AIMP1: variants seen among roughly 807,000 people sequenced by gnomAD.
AIMP1 encodes the protein aminoacyl tRNA synthetase complex interacting multifunctional protein 1, also known as aminoacyl tRNA synthase complex-interacting multifunctional protein 1.
A neutral mutation model predicts 33.1 loss-of-function variants in AIMP1; 24 were observed. The ratio of observed to expected loss-of-function variants is 0.73; its 90% confidence interval spans 0.53 to 1.02. The LOEUF is 1.02. Ranked by LOEUF, AIMP1 falls within the 50% of genes least tolerant of loss-of-function variation. The pLI is 0.00. For synonymous variants in AIMP1, 120 were observed against 121.5 expected (o/e 0.99, Z 0.08); for missense variants, 367 against 364.8 (o/e 1.01, Z -0.05).
Position 106,347,558 on chromosome 4 carries a change from A to G in AIMP1, c.805A>G (p.Lys269Glu). 1 of 1,613,216 alleles carries G rather than the reference A, an allele frequency of 6.2e-7. No homozygotes were observed. The highest frequency in any genetic ancestry group is 1.1e-5 in the South Asian group (1 of 91,054). The change falls in exon 7 of 7, where the codon AAG becomes GAG. Residue 269 changes from lysine (K) to glutamate (E), a missense_variant. Transcript: ENST00000672341. ...TGACAAGGAGCTGAATCCTAAGAAG[A>G]AGATTTGGGAGCAGATCCAGCCTGA... ...EPDKELNPKK[K>E]IWEQIQPDLH...
Position 106,348,718 on chromosome 4 carries a change from T to C in AIMP1, c.*1026T>C, listed in dbSNP as rs1770390951. Reference sequence around the variant, plus strand: ...TACTGATGATTTGGGCTTACACACATGTCAGCAAGATAGGGAGTGTGGATA... The same window carrying C: ...TACTGATGATTTGGGCTTACACACACGTCAGCAAGATAGGGAGTGTGGATA... On this transcript the variant is annotated 3_prime_UTR_variant, in exon 7 of 7. Coordinates refer to ENST00000672341, the MANE Select transcript of AIMP1 (RefSeq NM_001142416.2). The C allele has an allele frequency of 6.6e-6, 1 of 152,072 alleles. No homozygotes were observed. The allele number at this position is 152,072 out of a possible 1,614,324, so 9.4% of individuals were successfully genotyped here. A position where few individuals can be genotyped will look rare whatever the true frequency, so the allele number is the denominator to read the frequency against.
chr4:106,325,007 A>G lies in AIMP1; in HGVS notation c.-3A>G, dbSNP rs1159398890. 1.2e-6 allele frequency: 2 copies of G among 1,601,018 alleles called. No individual in the cohort carries two copies. The highest frequency in any genetic ancestry group is 1.7e-6 in the Non-Finnish European group (2 of 1,174,450). ...TAGGATTTTCTGCCGTCTCTTGGCAAAAATGGCAAATAATGATGCTGTTCT... is the reference window on the plus strand; with the variant it reads ...TAGGATTTTCTGCCGTCTCTTGGCAGAAATGGCAAATAATGATGCTGTTCT... On this transcript the variant is annotated 5_prime_UTR_variant, in exon 2 of 7. Coordinates refer to ENST00000672341, the MANE Select transcript of AIMP1 (RefSeq NM_001142416.2).
At chr4:106,327,360 G>A (rs1435286571) in intron 2 of AIMP1, 91 bp from the exon 3 acceptor site, 2 of 908,898 alleles carry the variant, frequency 2.2e-6, no homozygotes, top group Non-Finnish European at 3.6e-6. Context: ...TATTATCCTA[G>A]CTGTAGTTAT....
At chr4:106,346,410 T>G (rs889533127) in intron 6 of AIMP1, among the ~76,000 whole-genome samples, 4 of 152,172 alleles carry the variant, frequency 2.6e-5, no homozygotes, top group African/African-American at 4.8e-5. Flanking sequence ...AACAGGGGCT[T>G]TGTTGATCAT....
upstream of AIMP1, chr4:106,316,342 G>T: frequency 1.7e-6 from 1 of 579,708 alleles, no homozygotes; most frequent in South Asian, 2.1e-5. Context: ...GAGAGAGAAA[G>T]AGGTGCGGGG....
chr4:106,322,215 C>T (rs549463642), intron 1 of AIMP1, among the ~76,000 whole-genome samples: 1 of 152,142 alleles, frequency 6.6e-6, no homozygotes, highest in East Asian at 1.9e-4. Flanking sequence ...TGCTGACCTT[C>T]CCTCCACTAT....
At chr4:106,345,610 T>C (rs1770266715) in intron 6 of AIMP1, among the ~76,000 whole-genome samples, 1 of 152,016 alleles carries the variant, frequency 6.6e-6, no homozygotes. Flanking sequence ...ACTTTCAGTC[T>C]TAGTTTCATT....
chr4:106,336,710 C>T (rs781389702), intron 5 of AIMP1, among the ~76,000 whole-genome samples, 159 bp from the exon 6 acceptor site: 6 of 151,958 alleles, frequency 3.9e-5, no homozygotes, highest in African/African-American at 1.2e-4. Context: ...TGCAAAGCTT[C>T]GTAACAACAA....
intron 1 of AIMP1, among the ~76,000 whole-genome samples, chr4:106,322,011 C>G (rs367866928): frequency 9.4e-5 from 14 of 148,348 alleles, no homozygotes; most frequent in Non-Finnish European, 1.4e-4. Flanking sequence ...CTCTCTGAAA[C>G]GTGCTGTGTC....
chr4:106,331,666 T>C lies in AIMP1; in HGVS notation c.392-6T>C, dbSNP rs2125924013. 1.2e-6 allele frequency: 2 copies of C among 1,613,606 alleles called. No homozygotes were observed. Among genetic ancestry groups the C allele is most frequent in the South Asian group, 2.2e-5 (2 of 91,080 alleles). On this transcript the variant is annotated splice_polypyrimidine_tract_variant and splice_region_variant and intron_variant, in intron 4 of 6. Coordinates refer to ENST00000672341, the MANE Select transcript of AIMP1 (RefSeq NM_001142416.2). ...TGATGTTTACCCATTCATAAATACTTTTTAGGAGAGAAGAAGGAGAAAAAA... is the reference window on the plus strand; with the variant it reads ...TGATGTTTACCCATTCATAAATACTCTTTAGGAGAGAAGAAGGAGAAAAAA...
At chr4:106,323,584 G>C (rs1229312340) in intron 1 of AIMP1, among the ~76,000 whole-genome samples, 1 of 149,314 alleles carries the variant, frequency 6.7e-6, no homozygotes, top group African/African-American at 2.5e-5. Context: ...AATAGAAATG[G>C]ATATATGAAG....
chr4:106,317,221 CTT>C (rs1402199754), intron 1 of AIMP1, among the ~76,000 whole-genome samples: 1 of 152,164 alleles, frequency 6.6e-6, no homozygotes, highest in Non-Finnish European at 1.5e-5. Context: ...ACGCGAATAT[CTT>C]GGGAAAGTGC....
intron 2 of AIMP1, among the ~76,000 whole-genome samples, chr4:106,326,697 A>AT (rs1183348491): frequency 6.6e-6 from 1 of 152,028 alleles, no homozygotes; most frequent in Non-Finnish European, 1.5e-5. Flanking sequence ...ACATCTCAGA[A>AT]TTTTTTTAAA....
intron 6 of AIMP1, among the ~76,000 whole-genome samples, chr4:106,340,989 G>A (rs1400903539): frequency 2.6e-5 from 4 of 152,000 alleles, no homozygotes; most frequent in African/African-American, 9.7e-5. Flanking sequence ...ATCTCATTGT[G>A]GTTTTGATTT....
chr4:106,338,736 GGGCCA>G (rs1273123685), intron 6 of AIMP1, among the ~76,000 whole-genome samples: 1 of 152,182 alleles, frequency 6.6e-6, no homozygotes, highest in African/African-American at 2.4e-5. Flanking sequence ...TGTGAGAAGA[GGGCCA>G]CTGTCCTCCA....
At chr4:106,344,518 A>G (rs996844945) in intron 6 of AIMP1, among the ~76,000 whole-genome samples, 3 of 152,162 alleles carry the variant, frequency 2.0e-5, no homozygotes, top group Non-Finnish European at 4.4e-5. Flanking sequence ...CCCTAATCCC[A>G]AAGCCAACAT....
chr4:106,331,713 G>A lies in AIMP1; in HGVS notation c.433G>A (p.Ala145Thr), dbSNP rs749313637. 2 of 1,614,076 alleles carry A rather than the reference G, an allele frequency of 1.2e-6. No individual in the cohort carries two copies. The highest frequency in any genetic ancestry group is 4.5e-5 in the East Asian group (2 of 44,866). Residue 145 changes from alanine (A) to threonine (T), a missense_variant, in exon 5 of 7, where the codon GCC (alanine) becomes ACC (threonine). Coordinates refer to ENST00000672341, the MANE Select transcript of AIMP1 (RefSeq NM_001142416.2). ...AAAACAGCAATCAATAGCTGGAAGT[G>A]CCGACTCTAAGCCAATAGATGTTTC... ...EKKQQSIAGS[A>T]DSKPIDVSRL...
chr4:106,345,244 C>G (rs3805409), intron 6 of AIMP1, among the ~76,000 whole-genome samples: 22,756 of 152,116 alleles, frequency 0.15, 1,840 homozygotes, highest in South Asian at 0.25. Context: ...TATAAGAAGC[C>G]TGTATGTCAG....
At chr4:106,327,678 C>A in intron 3 of AIMP1, 114 bp downstream of exon 3, 1 of 715,154 alleles carries the variant, frequency 1.4e-6, no homozygotes, top group Non-Finnish European at 2.4e-6. Flanking sequence ...AACTTCATAA[C>A]TTCTAAATGA....
Sources: gnomAD v4.1 joint callset for allele counts (sites outside exome capture counted in the v4.1 genomes callset) on GRCh38, gnomAD v4.1.1 for gene constraint, MANE v1.5 for transcripts, NCBI Gene and HGNC (gene_info 2026-07-23, HGNC 2026-07-21) for gene names.